SPRY3: variants seen among roughly 807,000 people sequenced by gnomAD.
SPRY3 encodes sprouty RTK signaling antagonist 3.
In SPRY3, 15 loss-of-function variants were observed where a neutral mutation model predicts 20.2. That is an observed-to-expected ratio of 0.74 (90% CI 0.50 to 1.14). SPRY3 has a LOEUF of 1.14. Among genes scored for constraint, SPRY3 ranks in the 50% most tolerant of loss-of-function variants. SPRY3 has a pLI of 0.00. For missense variants in SPRY3, 364 were observed against 363.9 expected (o/e 1.00, Z 0.00); for synonymous variants, 143 against 136.5 (o/e 1.05, Z -0.33).
intron 2 of SPRY3, among the ~76,000 whole-genome samples, chrX:155,706,852 C>T (rs923278542): frequency 6.6e-6 from 1 of 150,904 alleles, no homozygotes; most frequent in Non-Finnish European, 1.5e-5. Context: ...TAAAATTTTC[C>T]ATAAAAGAAC....
chrX:155,773,980 C>T lies in SPRY3; in HGVS notation c.109C>T (p.Gln37Ter). 1 of 1,613,988 alleles carries T rather than the reference C, an allele frequency of 6.2e-7. No homozygotes were observed. Among genetic ancestry groups the T allele is most frequent in the Non-Finnish European group, 8.5e-7 (1 of 1,179,860 alleles). Residue 37 changes from glutamine to a stop codon, truncating the protein, a stop_gained, in exon 4 of 4, where the codon CAG (glutamine) becomes TAG (stop). Coordinates refer to ENST00000675360, the Ensembl canonical transcript of SPRY3. LOFTEE classifies it high-confidence loss of function. ...GGAACGGCCTCCAGCCCCCTGTAAACAGGCCCTCTCCAGCCCTTCCCTTAT... is the reference window on the plus strand; with the variant it reads ...GGAACGGCCTCCAGCCCCCTGTAAATAGGCCCTCTCCAGCCCTTCCCTTAT...
At chrX:155,712,838 T>C (rs1219180536) in intron 2 of SPRY3, among the ~76,000 whole-genome samples, 2 of 151,970 alleles carry the variant, frequency 1.3e-5, no homozygotes, top group African/African-American at 4.8e-5. Context: ...TTTGTGTCTG[T>C]TATATGTTTT....
chrX:155,727,942 C>T (rs1287028731), intron 2 of SPRY3, among the ~76,000 whole-genome samples: 3 of 152,156 alleles, frequency 2.0e-5, no homozygotes, highest in African/African-American at 7.2e-5. Context: ...GTGGTTTTAT[C>T]TACCTTTGGT....
At chrX:155,707,995 T>C (rs1024811362) in intron 2 of SPRY3, among the ~76,000 whole-genome samples, 1 of 151,344 alleles carries the variant, frequency 6.6e-6, no homozygotes, top group Non-Finnish European at 1.5e-5. Flanking sequence ...GTTCCTCTTC[T>C]ACTAGCTCCT....
At chrX:155,737,569 C>A (rs1488736542) in intron 2 of SPRY3, among the ~76,000 whole-genome samples, 1 of 151,774 alleles carries the variant, frequency 6.6e-6, no homozygotes, top group Admixed American at 6.6e-5. Context: ...CAAGGTGAGA[C>A]CTAAAGGATA....
At chrX:155,697,687 C>T (rs953224196) in intron 2 of SPRY3, among the ~76,000 whole-genome samples, 2 of 108,222 alleles carry the variant, frequency 1.8e-5, no homozygotes, top group Non-Finnish European at 3.8e-5. Flanking sequence ...TTCTGTTTTT[C>T]TGGAGAACGC....
At chrX:155,766,448 C>A (rs1465079705) in intron 2 of SPRY3, among the ~76,000 whole-genome samples, 1 of 152,152 alleles carries the variant, frequency 6.6e-6, no homozygotes, top group Non-Finnish European at 1.5e-5. Flanking sequence ...GTCTCAGTTT[C>A]CTGACTCACA....
At chrX:155,752,498 A>G (rs1050923478) in intron 2 of SPRY3, among the ~76,000 whole-genome samples, 3 of 151,702 alleles carry the variant, frequency 2.0e-5, no homozygotes, top group Admixed American at 2.0e-4. Context: ...TGTTTATGCT[A>G]TAGGTTTAAT....
intron 3 of SPRY3, among the ~76,000 whole-genome samples, chrX:155,769,526 A>G (rs1056715249): frequency 3.6e-5 from 5 of 138,992 alleles, no homozygotes; most frequent in African/African-American, 1.3e-4. Flanking sequence ...GTGTCATATA[A>G]AAGGATTTGA....
chrX:155,758,399 T>C (rs963794520), intron 2 of SPRY3, among the ~76,000 whole-genome samples: 1 of 152,164 alleles, frequency 6.6e-6, no homozygotes, highest in African/African-American at 2.4e-5. Flanking sequence ...ACACTTCCAT[T>C]ATTGGTAACA....
intron 1 of SPRY3, among the ~76,000 whole-genome samples, chrX:155,627,335 T>C (rs1411173300): frequency 8.9e-6 from 1 of 112,117 alleles, no homozygotes; most frequent in Non-Finnish European, 1.9e-5. Flanking sequence ...GTATTTGTCT[T>C]TCTGTGCCTG....
At chrX:155,722,014 C>T (rs1260925284) in intron 2 of SPRY3, among the ~76,000 whole-genome samples, 2 of 151,842 alleles carry the variant, frequency 1.3e-5, no homozygotes, top group Non-Finnish European at 2.9e-5. Context: ...CTCTTCAAGA[C>T]ATAGACAGTA....
intron 2 of SPRY3, among the ~76,000 whole-genome samples, chrX:155,713,575 T>C (rs2091001607): frequency 6.6e-6 from 1 of 152,172 alleles, no homozygotes; most frequent in African/African-American, 2.4e-5. Context: ...GCCAGACATA[T>C]TGAAGCTCTA....
At chrX:155,722,045 C>CA (rs35892809) in intron 2 of SPRY3, among the ~76,000 whole-genome samples, 3 of 151,632 alleles carry the variant, frequency 2.0e-5, no homozygotes, top group South Asian at 2.1e-4. Flanking sequence ...TAAATAGGAA[C>CA]AAAAAAAATT....
intron 2 of SPRY3, among the ~76,000 whole-genome samples, chrX:155,693,015 T>G (rs1011624508): frequency 9.0e-6 from 1 of 111,115 alleles, no homozygotes; most frequent in Non-Finnish European, 1.9e-5. Flanking sequence ...TTTTTCCTCT[T>G]TATTTTTTCT....
chrX:155,712,698 T>C (rs1293440839), intron 2 of SPRY3, among the ~76,000 whole-genome samples: 1 of 151,978 alleles, frequency 6.6e-6, no homozygotes, highest in Non-Finnish European at 1.5e-5. Context: ...TATTAATAAG[T>C]AGAGACTTAC....
At chrX:155,767,706 A>G (rs183772787) in intron 2 of SPRY3, 2,164 of 43,228 alleles carry the variant, frequency 0.05, 41 homozygotes, top group Non-Finnish European at 0.077. Flanking sequence ...AGGAGAAAGA[A>G]GAGGAGGAGG....
At chrX:155,776,425 T>C (rs1304106125) in exon 4 of SPRY3, 2 of 167,098 alleles carry the variant, frequency 1.2e-5, no homozygotes, top group African/African-American at 2.4e-5. Context: ...AGATGAAAGA[T>C]GTATAATGTA....
intron 1 of SPRY3, among the ~76,000 whole-genome samples, chrX:155,635,435 A>G (rs9887076): frequency 1.3e-3 from 148 of 111,661 alleles, no homozygotes; most frequent in African/African-American, 4.7e-3. Context: ...TGGTATTTCC[A>G]GTTCTAGATC....
Sources: gnomAD v4.1 joint callset for allele counts (sites outside exome capture counted in the v4.1 genomes callset) on GRCh38, gnomAD v4.1.1 for gene constraint, MANE v1.5 for transcripts, NCBI Gene and HGNC (gene_info 2026-07-23, HGNC 2026-07-21) for gene names.